KCND3: variants seen among roughly 807,000 people sequenced by gnomAD.
KCND3 encodes the protein A-type voltage-gated potassium channel KCND3.
A neutral mutation model predicts 51.1 loss-of-function variants in KCND3; 9 were observed. The ratio of observed to expected loss-of-function variants is 0.18; its 90% CI spans 0.11 to 0.31. The LOEUF is 0.31. KCND3 is among the 10% of genes least tolerant of loss of function. KCND3 has a pLI of 1.00. For missense variants in KCND3, 526 were observed against 903.8 expected (o/e 0.58, Z 5.36); for synonymous variants, 349 against 368.0 (o/e 0.95, Z 0.59).
chr1:111,958,549 A>C (rs968409072), intron 2 of KCND3, among the ~76,000 whole-genome samples: 1 of 152,200 alleles, frequency 6.6e-6, no homozygotes, highest in African/African-American at 2.4e-5. Flanking sequence ...ATTAAGTAGA[A>C]TCGAAATTGG....
chr1:111,784,173 A>C (rs1458075838), intron 3 of KCND3, among the ~76,000 whole-genome samples: 5 of 151,760 alleles, frequency 3.3e-5, no homozygotes, highest in African/African-American at 9.7e-5. Context: ...AGATATCTGA[A>C]TAAGATTGGT....
At chr1:111,838,480 A>AC (rs1208325391) in intron 2 of KCND3, among the ~76,000 whole-genome samples, 1 of 152,060 alleles carries the variant, frequency 6.6e-6, no homozygotes, top group African/African-American at 2.4e-5. Context: ...ACATAGTGAA[A>AC]CCCCGTCTCT....
At chr1:111,914,324 A>C (rs2101822337) in intron 2 of KCND3, among the ~76,000 whole-genome samples, 1 of 151,874 alleles carries the variant, frequency 6.6e-6, no homozygotes. Context: ...GTAACAAGTC[A>C]TCTAACATAT....
intron 2 of KCND3, among the ~76,000 whole-genome samples, chr1:111,835,723 T>A (rs962508767): frequency 4.6e-5 from 7 of 152,256 alleles, no homozygotes; most frequent in African/African-American, 1.7e-4. Context: ...TTCTGGGACA[T>A]CCCTGCCCTT....
At chr1:111,864,909 T>C (rs576467410) in intron 2 of KCND3, among the ~76,000 whole-genome samples, 3 of 151,878 alleles carry the variant, frequency 2.0e-5, no homozygotes, top group South Asian at 2.1e-4. Flanking sequence ...GAGACAAATA[T>C]GGTCAGAGAG....
chr1:111,893,433 T>G (rs1669944230), intron 2 of KCND3, among the ~76,000 whole-genome samples: 1 of 152,134 alleles, frequency 6.6e-6, no homozygotes, highest in African/African-American at 2.4e-5. Flanking sequence ...GGAAGAATGA[T>G]GGCCTTGGTA....
chr1:111,885,596 A>C (rs1669531913), intron 2 of KCND3, among the ~76,000 whole-genome samples: 1 of 152,158 alleles, frequency 6.6e-6, no homozygotes, highest in African/African-American at 2.4e-5. Flanking sequence ...GTCATTACTT[A>C]TGTGGAGGGA....
chr1:111,955,941 T>C (rs1473214536), intron 2 of KCND3, among the ~76,000 whole-genome samples: 3 of 152,190 alleles, frequency 2.0e-5, no homozygotes, highest in African/African-American at 4.8e-5. Flanking sequence ...CTAGCACTTA[T>C]GGAGTGCTTG....
chr1:111,970,609 T>A (rs926995263), intron 2 of KCND3, among the ~76,000 whole-genome samples: 2 of 152,218 alleles, frequency 1.3e-5, no homozygotes, highest in Admixed American at 1.3e-4. Flanking sequence ...TATAGCCCTG[T>A]GAACACAGGC....
chr1:111,785,017 C>G (rs1032407145), intron 3 of KCND3, among the ~76,000 whole-genome samples: 3 of 152,028 alleles, frequency 2.0e-5, no homozygotes, highest in Non-Finnish European at 2.9e-5. Flanking sequence ...GAGTTTGACT[C>G]CATCCTGGGC....
intron 2 of KCND3, among the ~76,000 whole-genome samples, chr1:111,941,500 TA>T (rs1318922631): frequency 6.6e-6 from 1 of 152,214 alleles, no homozygotes; most frequent in African/African-American, 2.4e-5. Flanking sequence ...GGCCTTGTTT[TA>T]CCCTCGAGTA....
chr1:111,845,909 G>A (rs539528304), intron 2 of KCND3, among the ~76,000 whole-genome samples: 22 of 144,926 alleles, frequency 1.5e-4, no homozygotes, highest in Admixed American at 1.3e-3. Context: ...CAACATTGCT[G>A]TCCCCCTGCA....
chr1:111,949,257 G>A (rs1366764594), intron 2 of KCND3, among the ~76,000 whole-genome samples: 1 of 152,214 alleles, frequency 6.6e-6, no homozygotes, highest in African/African-American at 2.4e-5. Flanking sequence ...TTTCTCTTTT[G>A]TAAAGTGGAG....
chr1:111,778,003 C>G (rs549757437), intron 6 of KCND3, among the ~76,000 whole-genome samples: 1 of 152,272 alleles, frequency 6.6e-6, no homozygotes, highest in African/African-American at 2.4e-5. Context: ...AAGTTGACTA[C>G]AAATCTATGG....
intron 2 of KCND3, among the ~76,000 whole-genome samples, chr1:111,979,614 T>C (rs1014412401): frequency 1.3e-5 from 2 of 152,236 alleles, no homozygotes; most frequent in East Asian, 3.9e-4. Context: ...AGCAGCCAGA[T>C]TGGTATTTGA....
intron 2 of KCND3, among the ~76,000 whole-genome samples, chr1:111,957,363 C>T (rs966883976): frequency 1.3e-5 from 2 of 152,150 alleles, no homozygotes; most frequent in Non-Finnish European, 1.5e-5. Context: ...GGGAACAAAG[C>T]GGTGTGGCAG....
chr1:111,902,017 C>T (rs372341554), intron 2 of KCND3, among the ~76,000 whole-genome samples: 28 of 152,288 alleles, frequency 1.8e-4, no homozygotes, highest in African/African-American at 5.8e-4. Context: ...ACGTGCTCAG[C>T]GGTTTACTTA....
At chr1:111,901,941 GAGGCCAGGAGAA>G in intron 2 of KCND3, among the ~76,000 whole-genome samples, 1 of 152,200 alleles carries the variant, frequency 6.6e-6, no homozygotes. Flanking sequence ...AGCTGAGACT[GAGGCCAGGAGAA>G]GTTGAGGACC....
intron 1 of KCND3, among the ~76,000 whole-genome samples, 35 bp downstream of exon 1, chr1:111,989,470 C>G (rs1010162640): frequency 5.9e-5 from 9 of 151,938 alleles, no homozygotes; most frequent in Non-Finnish European, 1.0e-4. Context: ...CCTCGCACTT[C>G]CTGGCTCCAG....
Sources: allele counts gnomAD v4.1 joint callset (sites outside exome capture counted in the v4.1 genomes callset), GRCh38; gene constraint gnomAD v4.1.1; transcripts MANE v1.5; gene names NCBI Gene and HGNC (gene_info 2026-07-23, HGNC 2026-07-21).